The following MED13L variants were observed in gnomAD, a reference collection of about 807,000 sequenced individuals.
The protein encoded by MED13L is mediator complex subunit 13L.
MED13L carries 7 observed loss-of-function variants against 220.9 expected under a neutral mutation model. The ratio of observed to expected loss-of-function variants is 0.03; its 90% CI spans 0.02 to 0.06. The LOEUF (loss-of-function observed/expected upper bound fraction) is 0.06. Ranked by LOEUF, MED13L falls within the 10% of genes least tolerant of loss-of-function variation. MED13L has a pLI of 1.00. For synonymous variants in MED13L, 1,011 were observed against 1,015.2 expected, an observed-to-expected ratio of 1.00 and a Z score of 0.08; for missense variants, 1,965 against 2,760.5, an observed-to-expected ratio of 0.71 and a Z score of 6.46.
At chr12:116,221,361 A>G (rs1405999045) in intron 2 of MED13L, among the ~76,000 whole-genome samples, 2 of 151,202 alleles carry the variant, frequency 1.3e-5, no homozygotes, top group Admixed American at 6.6e-5. Flanking sequence ...GTGACAGGGT[A>G]AGACCCTGTC....
chr12:116,119,282 G>A (rs186724017), intron 2 of MED13L, among the ~76,000 whole-genome samples: 45 of 152,258 alleles, frequency 3.0e-4, no homozygotes, highest in Admixed American at 1.7e-3. Flanking sequence ...AAAGAAAGCC[G>A]ATGGAGATAT....
At chr12:115,986,543 A>G in intron 18 of MED13L, 54 bp from the exon 19 acceptor site, 1 of 1,541,196 alleles carries the variant, frequency 6.5e-7, no homozygotes, top group South Asian at 1.1e-5. Flanking sequence ...CCACAACCTT[A>G]CAATTTTGAA....
intron 2 of MED13L, among the ~76,000 whole-genome samples, chr12:116,211,886 G>C (rs1211460908): frequency 6.6e-6 from 1 of 152,042 alleles, no homozygotes; most frequent in Non-Finnish European, 1.5e-5. Context: ...CTTTCTAATA[G>C]CATTGTGACA....
Position 115,975,647 on chromosome 12 carries a change from G to A in MED13L, c.5456C>T (p.Ala1819Val), listed in dbSNP as rs1243964774. 2.5e-6 allele frequency: 4 copies of A among 1,613,898 alleles called. No individual in the cohort carries two copies. The highest frequency in any genetic ancestry group is 1.7e-5 in the Admixed American group (1 of 59,990). The stretch of plus-strand genomic sequence containing the variant: ...GAAGAGCACATTGTATTTCTGGCTC[G>A]CCTCACCAAACGTCTCTCCCAGCTC... ...QTELGETFGEASQKYNVLFVG... is the reference protein window; with the variant it reads ...QTELGETFGEVSQKYNVLFVG... Residue 1819 changes from alanine to valine, a missense_variant, in exon 24 of 31, where the codon GCG (alanine) becomes GTG (valine). This residue lies in a region of MED13L where 510 missense variants were observed against 620.4 expected (regional missense o/e 0.82). Transcript: ENST00000281928.
In MED13L at chr12:115,984,327, C is replaced by T; in HGVS notation, c.4384G>A (p.Asp1462Asn). 6.2e-7 allele frequency: 1 copy of T among 1,614,132 alleles called. No individual in the cohort carries two copies. Among genetic ancestry groups the T allele is most frequent in the Non-Finnish European group, 8.5e-7 (1 of 1,180,018 alleles). The change falls in exon 20 of 31, where the codon GAC (aspartate) becomes AAC (asparagine). Residue 1462 changes from aspartate to asparagine, a missense_variant. Asp to Asn is a conservative substitution (Grantham distance 23, BLOSUM62 1). Around this residue, in one of 10 missense-constraint regions of MED13L, gnomAD observed 510 missense variants for 620.4 expected, o/e 0.82. Coordinates refer to ENST00000281928, the MANE Select transcript of MED13L (RefSeq NM_015335.5). ...GTTTTTCCCACGCGCATGATCCCGT[C>T]ACGTAGCACTTTGCAGATGGGCTTG... ...QHKPICKVLRDGIMRVGKTVA... is the reference protein window; with the variant it reads ...QHKPICKVLRNGIMRVGKTVA...
chr12:116,041,600 T>C (rs532286921), intron 4 of MED13L, among the ~76,000 whole-genome samples: 1 of 152,308 alleles, frequency 6.6e-6, no homozygotes, highest in Non-Finnish European at 1.5e-5. Flanking sequence ...ATCCCAGCAC[T>C]TTGGGAGGCC....
At chr12:116,022,634 T>C in intron 4 of MED13L, 33 bp from the exon 5 acceptor site, 2 of 1,600,164 alleles carry the variant, frequency 1.2e-6, no homozygotes, top group Admixed American at 1.7e-5. Context: ...CTCAACTTTA[T>C]ATTTTGGTAG....
Position 115,991,430 on chromosome 12 carries a change from T to C in MED13L, c.3524A>G (p.Asn1175Ser). The C allele has an allele frequency of 1.2e-6, 2 of 1,614,152 alleles. No homozygotes were observed. The highest frequency in any genetic ancestry group is 1.7e-6 in the Non-Finnish European group (2 of 1,180,028). The change falls in exon 17 of 31, where the codon AAT becomes AGT. Residue 1175 changes from asparagine to serine, a missense_variant. Physicochemically the swap from Asn to Ser is conservative, Grantham distance 46. Around this residue, in one of 10 missense-constraint regions of MED13L, gnomAD observed 165 missense variants for 190.8 expected, o/e 0.86. Coordinates refer to ENST00000281928, the MANE Select transcript of MED13L (RefSeq NM_015335.5). This position sits in a 1 kb window ranked among gnomAD's most constrained non-coding sequence, Gnocchi z 7.7. ...SAIMNRKLGY[N>S]SGLFLEDELD... is the part of the protein sequence containing the mutation. ...CTCATCTTCAAGGAAGAGTCCTGAA[T>C]TGTAGCCAAGTTTGCGGTTCATAAT...
Position 116,027,420 on chromosome 12 carries a change from A to AAAAC in MED13L, c.480-4823_480-4820dup, listed in dbSNP as rs530338836. 3.6e-3 allele frequency among the ~76,000 whole-genome samples: 545 copies of AAAAC among 152,190 alleles called. 3 individuals are homozygous for AAAAC. Among genetic ancestry groups the AAAAC allele is most frequent in the African/African-American group, 0.011 (462 of 41,500 alleles). On this transcript the variant is annotated intron_variant, in intron 4 of 30. Coordinates refer to ENST00000281928, the MANE Select transcript of MED13L (RefSeq NM_015335.5). ...CGGGGTGACAGAGAGACTCTGTCTCAAAACAAACAAACAAACAAACAAACA... is the reference window on the plus strand; with the variant it reads ...CGGGGTGACAGAGAGACTCTGTCTCAAAACAAACAAACAAACAAACAAACAAACA...
chr12:116,129,616 T>C (rs1875888525), intron 2 of MED13L, among the ~76,000 whole-genome samples: 1 of 150,378 alleles, frequency 6.6e-6, no homozygotes. Context: ...AAGATAGAAA[T>C]GATCAGCACA....
chr12:116,187,078 G>GT (rs995579396), intron 2 of MED13L, among the ~76,000 whole-genome samples: 2 of 152,100 alleles, frequency 1.3e-5, no homozygotes, highest in African/African-American at 4.8e-5. Context: ...TTGCCCCCAT[G>GT]TTTTTTGTTT....
At chr12:116,061,792 G>A (rs897549237) in intron 4 of MED13L, among the ~76,000 whole-genome samples, 11 of 152,018 alleles carry the variant, frequency 7.2e-5, no homozygotes, top group African/African-American at 2.7e-4. Context: ...CTGATCATGA[G>A]GTCAGGAGAT....
intron 2 of MED13L, among the ~76,000 whole-genome samples, chr12:116,129,618 A>C (rs1431312387): frequency 6.6e-6 from 1 of 152,012 alleles, no homozygotes; most frequent in Non-Finnish European, 1.5e-5. Flanking sequence ...GATAGAAATG[A>C]TCAGCACAGG....
chr12:116,249,767 G>C (rs1296184874), intron 1 of MED13L, among the ~76,000 whole-genome samples: 1 of 135,970 alleles, frequency 7.4e-6, no homozygotes, highest in Non-Finnish European at 1.6e-5. Context: ...AAAAGTCAGG[G>C]CTTTAAAACA....
chr12:116,036,305 T>C (rs1198697975), intron 4 of MED13L, among the ~76,000 whole-genome samples: 1 of 152,224 alleles, frequency 6.6e-6, no homozygotes, highest in Non-Finnish European at 1.5e-5. Flanking sequence ...ATAATATGTG[T>C]CTAGCTATTT....
At chr12:116,097,595 A>C (rs1872724266) in intron 3 of MED13L, among the ~76,000 whole-genome samples, 1 of 152,230 alleles carries the variant, frequency 6.6e-6, no homozygotes, top group African/African-American at 2.4e-5. Context: ...TTGTAGGCAC[A>C]ATAAAGGACT....
intron 2 of MED13L, among the ~76,000 whole-genome samples, chr12:116,224,979 G>A (rs1868814969): frequency 6.6e-6 from 1 of 152,060 alleles, no homozygotes. Flanking sequence ...TTACAGGCGT[G>A]AGCCACCAAG....
At chr12:116,230,685 G>T (rs1869470844) in intron 2 of MED13L, among the ~76,000 whole-genome samples, 1 of 151,908 alleles carries the variant, frequency 6.6e-6, no homozygotes, top group Admixed American at 6.6e-5. Context: ...CTCCTTGAAA[G>T]AAATTTTCAA....
In MED13L at chr12:115,978,656, G is replaced by A. The variant is rs114050797; in HGVS notation, c.5364+2094C>T. Among the ~76,000 whole-genome samples the A allele has an allele frequency of 4.9e-3, 752 of 152,202 alleles. 2 individuals carry two copies. Among genetic ancestry groups the A allele is most frequent in the African/African-American group, 0.017 (703 of 41,514 alleles). ...CTGTAAAATTTTTAAAAAGAATTTC[G>A]TGATATGTGAATTGTATCTCAATAA... On this transcript the variant is annotated intron_variant, in intron 23 of 30. Coordinates refer to ENST00000281928, the MANE Select transcript of MED13L (RefSeq NM_015335.5).
Sources: allele counts gnomAD v4.1 joint callset (sites outside exome capture counted in the v4.1 genomes callset), GRCh38; gene constraint gnomAD v4.1.1; regional missense constraint gnomAD v4.1.1; non-coding constraint Gnocchi (gnomAD v3.1); transcripts MANE v1.5; gene names NCBI Gene and HGNC (gene_info 2026-07-23, HGNC 2026-07-21).